The following ADGRL1 variants were observed in gnomAD, a reference collection of about 807,000 sequenced individuals.
ADGRL1 encodes adhesion G protein-coupled receptor L1.
A neutral mutation model predicts 148.9 loss-of-function variants in ADGRL1; 31 were observed. The ratio of observed to expected loss-of-function variants is 0.21; its 90% CI spans 0.16 to 0.28. ADGRL1 has a LOEUF of 0.28. Ranked by LOEUF, ADGRL1 falls within the 10% of genes least tolerant of loss-of-function variation. ADGRL1 has a pLI of 1.00. For synonymous variants in ADGRL1, 937 were observed against 900.3 expected (o/e 1.04, Z -0.73); for missense variants, 1,521 against 2,058.8 (o/e 0.74, Z 5.05).
intron 4 of ADGRL1, 79 bp from the exon 5 acceptor site, chr19:14,163,485 AGAGAG>A (rs1969635843): frequency 1.9e-6 from 2 of 1,079,952 alleles, no homozygotes; most frequent in African/African-American, 3.3e-5. Context: ...AGAGAGAGAG[AGAGAG>A]AGAGAGAGGG....
Position 14,161,693 on chromosome 19 carries a change from G to A in ADGRL1, c.1196-67C>T. 8.6e-7 allele frequency: 1 copy of A among 1,160,150 alleles called. No homozygotes were observed. The allele number at this position is 1,160,150 out of a possible 1,614,324, so 71.9% of individuals were successfully genotyped here. ...GCCATGCCACAGTGTGCTTGGGCAG[G>A]GGGTCCCAGGCCATCTTAGCATCTT... On this transcript the variant is annotated intron_variant, in intron 5 of 22. Coordinates refer to ENST00000361434, the MANE Select transcript of ADGRL1 (RefSeq NM_014921.5). This position sits in a 1 kb window ranked among gnomAD's most constrained non-coding sequence, Gnocchi z 4.4.
In ADGRL1 at chr19:14,161,018, T is replaced by C. The variant is rs1475935368; in HGVS notation, c.1510+294A>G. 1.3e-5 allele frequency among the ~76,000 whole-genome samples: 2 copies of C among 152,182 alleles called. No individual in the cohort carries two copies. Among genetic ancestry groups the C allele is most frequent in the Admixed American group, 1.3e-4 (2 of 15,282 alleles). Reference sequence around the variant, plus strand: ...ATCTCCAGGACACACGGCCCTGCCCTTTTTGCACTTCAGCTGGCCATCCAT... The same window carrying C: ...ATCTCCAGGACACACGGCCCTGCCCCTTTTGCACTTCAGCTGGCCATCCAT... On this transcript the variant is annotated intron_variant, in intron 6 of 22. Transcript: ENST00000361434. The surrounding 1 kb of genome is among the most constrained non-coding windows in gnomAD (Gnocchi z 4.4).
At chr19:14,205,220 C>T (rs1181865691) in intron 1 of ADGRL1, among the ~76,000 whole-genome samples, 1 of 152,068 alleles carries the variant, frequency 6.6e-6, no homozygotes, top group Non-Finnish European at 1.5e-5. Flanking sequence ...GACAACCAAA[C>T]CCTCGCAGCT....
Position 14,159,691 on chromosome 19 carries a change from A to G in ADGRL1, c.1839+44T>C, listed in dbSNP as rs780134925. 3 of 1,607,780 alleles carry G rather than the reference A, an allele frequency of 1.9e-6. No individual in the cohort carries two copies. The highest frequency in any genetic ancestry group is 2.2e-5 in the South Asian group (2 of 90,956). On this transcript the variant is annotated intron_variant, in intron 9 of 22. Transcript: ENST00000361434. This position sits in a 1 kb window ranked among gnomAD's most constrained non-coding sequence, Gnocchi z 6.0. ...AACCTCCACCCCTAATCCCCCCATC[A>G]GCTGGAGCCCACGGTCCTTACACTG... is the stretch of plus-strand genomic sequence containing the variant.
rs185682300 is a variant in ADGRL1 at position 14,192,965 on chromosome 19, T to C, written c.-95-9268A>G. ...ACACAGTGGGTCCCCAAGCAAAAACTTACTGAAGACAGGGGAGTGACTAAG... is the reference window on the plus strand; with the variant it reads ...ACACAGTGGGTCCCCAAGCAAAAACCTACTGAAGACAGGGGAGTGACTAAG... On this transcript the variant is annotated intron_variant, in intron 1 of 22. Coordinates refer to ENST00000361434, the MANE Select transcript of ADGRL1 (RefSeq NM_014921.5). 2.2e-3 allele frequency among the ~76,000 whole-genome samples: 333 copies of C among 152,188 alleles called. 1 individual carries two copies. The highest frequency in any genetic ancestry group is 3.8e-3 in the Non-Finnish European group (261 of 67,998).
At chr19:14,158,278 A>G in intron 12 of ADGRL1, 60 bp downstream of exon 12, 5 of 1,547,542 alleles carry the variant, frequency 3.2e-6, no homozygotes, top group Non-Finnish European at 4.4e-6. Flanking sequence ...GCAGGTACAC[A>G]GCCTGGGAAC....
chr19:14,179,524 G>A lies in ADGRL1; in HGVS notation c.71-1780C>T, dbSNP rs567758219. Among the ~76,000 whole-genome samples, 268 of 151,936 alleles carry A rather than the reference G, an allele frequency of 1.8e-3. 2 individuals carry two copies. Among genetic ancestry groups the A allele is most frequent in the African/African-American group, 5.9e-3 (246 of 41,460 alleles). On this transcript the variant is annotated intron_variant, in intron 2 of 22. Coordinates refer to ENST00000361434, the MANE Select transcript of ADGRL1 (RefSeq NM_014921.5). ...CAAACAAATAAATGCCAAGGAGAGA[G>A]GCCTCAGAAGGAACCAACCCTGGCT...
In ADGRL1 at chr19:14,160,389, ATC is replaced by A; in HGVS notation, c.1615-94_1615-93del. On this transcript the variant is annotated intron_variant, in intron 7 of 22. Transcript: ENST00000361434. The surrounding 1 kb of genome is among the most constrained non-coding windows in gnomAD (Gnocchi z 5.9). ...TTCCCTGGCCTGTGCAGCCTCTCCT[ATC>A]TCTCTCTCCACTTCCCCATCGCCAT... The A allele has an allele frequency of 1.8e-5, 22 of 1,213,942 alleles. No homozygotes were observed. The highest frequency in any genetic ancestry group is 4.4e-5 in the South Asian group (3 of 68,544). The allele number at this position is 1,213,942 out of a possible 1,614,324, so 75.2% of individuals were successfully genotyped here.
At chr19:14,182,412 A>T (rs1971260942) in intron 2 of ADGRL1, among the ~76,000 whole-genome samples, 1 of 152,080 alleles carries the variant, frequency 6.6e-6, no homozygotes, top group Non-Finnish European at 1.5e-5. Flanking sequence ...CAATGTGGGG[A>T]CCGTCGCTTG....
At chr19:14,204,313 G>A (rs1269308055) in intron 1 of ADGRL1, among the ~76,000 whole-genome samples, 2 of 152,068 alleles carry the variant, frequency 1.3e-5, no homozygotes, top group African/African-American at 4.8e-5. Flanking sequence ...CCAAAGCTGG[G>A]GCCTGACAGG....
Position 14,160,060 on chromosome 19 carries a change from C to T in ADGRL1, c.1800+52G>A. 6.6e-7 allele frequency: 1 copy of T among 1,524,874 alleles called. No homozygotes were observed. The highest frequency in any genetic ancestry group is 8.8e-7 in the Non-Finnish European group (1 of 1,131,916). 94.5% of individuals were successfully genotyped at this position (1,524,874 alleles called of 1,614,324 possible). On this transcript the variant is annotated intron_variant, in intron 8 of 22. Coordinates refer to ENST00000361434, the MANE Select transcript of ADGRL1 (RefSeq NM_014921.5). This position sits in a 1 kb window ranked among gnomAD's most constrained non-coding sequence, Gnocchi z 5.9. ...ACCAGGTCAGGTACTTCCCAAGCCC[C>T]TGGGGGCAGGCGCCCTCCCCATACC...
chr19:14,165,345 G>A (rs753471151), intron 4 of ADGRL1, among the ~76,000 whole-genome samples: 1 of 152,172 alleles, frequency 6.6e-6, no homozygotes. Context: ...TGCCCAAGCC[G>A]GTCCCCACCC....
At position 14,155,658 on chromosome 19, in the gene ADGRL1, G is replaced by A. The variant is rs552010691; in HGVS notation, c.3126-131C>T. ...CTGTCTGCAAAGCCCTGAGCGGGCC[G>A]AGTGGGCCTTGGGGGCAGTGGCCTG... is the stretch of plus-strand genomic sequence containing the variant. On this transcript the variant is annotated intron_variant, in intron 17 of 22. Transcript: ENST00000361434. The surrounding 1 kb of genome is among the most constrained non-coding windows in gnomAD (Gnocchi z 5.0). 1.4e-4 allele frequency: 130 copies of A among 903,930 alleles called. No individual in the cohort carries two copies. Among genetic ancestry groups the A allele is most frequent in the East Asian group, 7.7e-4 (29 of 37,772 alleles). 56.0% of individuals were successfully genotyped at this position (903,930 alleles called of 1,614,324 possible). A position where few individuals can be genotyped will look rare whatever the true frequency, so the allele number is the denominator to read the frequency against.
intron 2 of ADGRL1, among the ~76,000 whole-genome samples, chr19:14,181,392 A>T (rs866052781): frequency 1.3e-4 from 20 of 152,204 alleles, no homozygotes; most frequent in African/African-American, 4.8e-4. Context: ...CTGCAGGGCT[A>T]TGTGCCAACC....
chr19:14,159,814 T>A lies in ADGRL1; in HGVS notation c.1801-41A>T. 1.9e-6 allele frequency: 3 copies of A among 1,572,634 alleles called. No individual in the cohort carries two copies. Among genetic ancestry groups the A allele is most frequent in the Non-Finnish European group, 2.6e-6 (3 of 1,142,636 alleles). On this transcript the variant is annotated intron_variant, in intron 8 of 22. Coordinates refer to ENST00000361434, the MANE Select transcript of ADGRL1 (RefSeq NM_014921.5). This position sits in a 1 kb window ranked among gnomAD's most constrained non-coding sequence, Gnocchi z 6.0. ...GGTGATGTCAGGCCAGGCCTCTGGG[T>A]GCCGGTTCCCTCACCCTAATACTGT... is the stretch of plus-strand genomic sequence containing the variant.
chr19:14,172,955 G>A (rs1599459457), intron 3 of ADGRL1, among the ~76,000 whole-genome samples: 5 of 151,896 alleles, frequency 3.3e-5, no homozygotes, highest in Admixed American at 2.6e-4. Flanking sequence ...TGTGCCTAAC[G>A]TATTTTATTA....
chr19:14,192,493 G>T (rs937761324), intron 1 of ADGRL1, among the ~76,000 whole-genome samples: 3 of 151,504 alleles, frequency 2.0e-5, no homozygotes, highest in African/African-American at 7.3e-5. Flanking sequence ...CACCTGCCTT[G>T]GTCTCCCAAA....
At chr19:14,204,713 T>TGAGAGAGTGA (rs1555693818) in intron 1 of ADGRL1, among the ~76,000 whole-genome samples, 1 of 142,890 alleles carries the variant, frequency 7.0e-6, no homozygotes, top group Non-Finnish European at 1.5e-5. Context: ...ACAGAGAGAG[T>TGAGAGAGTGA]GAGAGAGAGA....
chr19:14,187,676 A>G (rs1451817667), intron 1 of ADGRL1, among the ~76,000 whole-genome samples: 2 of 147,924 alleles, frequency 1.4e-5, no homozygotes, highest in East Asian at 2.0e-4. Context: ...CGCCGCCGCC[A>G]CCAGCCCCTA....
Sources: allele counts gnomAD v4.1 joint callset (sites outside exome capture counted in the v4.1 genomes callset), GRCh38; gene constraint gnomAD v4.1.1; non-coding constraint Gnocchi (gnomAD v3.1); transcripts MANE v1.5; gene names NCBI Gene and HGNC (gene_info 2026-07-23, HGNC 2026-07-21).